The following KCNMA1 variants were observed in gnomAD, a reference collection of about 807,000 sequenced individuals.
KCNMA1 encodes the protein Calcium-activated potassium channel subunit alpha-1.
A neutral mutation model predicts 140.0 loss-of-function variants in KCNMA1; 29 were observed. The ratio of observed to expected loss-of-function variants is 0.21; its 90% CI spans 0.15 to 0.28. The LOEUF (loss-of-function observed/expected upper bound fraction) is 0.28. Among genes scored for constraint, KCNMA1 ranks in the 10% least tolerant of loss-of-function variants. The pLI is 1.00. For synonymous variants in KCNMA1, 612 were observed against 611.9 expected (o/e 1.00, Z 0.00); for missense variants, 880 against 1,602.2 (o/e 0.55, Z 7.70).
At chr10:77,436,087 A>C (rs1603619026) in intron 1 of KCNMA1, among the ~76,000 whole-genome samples, 2 of 152,236 alleles carry the variant, frequency 1.3e-5, no homozygotes, top group South Asian at 2.1e-4. Context: ...GAACGTCAGA[A>C]AAGGCTGAAT....
intron 2 of KCNMA1, among the ~76,000 whole-genome samples, chr10:77,396,316 G>C (rs1448061978): frequency 6.6e-6 from 1 of 152,102 alleles, no homozygotes; most frequent in African/African-American, 2.4e-5. Context: ...GATGAGGGGG[G>C]TGAGAGACAG....
intron 2 of KCNMA1, among the ~76,000 whole-genome samples, chr10:77,317,412 A>T (rs1271082794): frequency 6.6e-6 from 1 of 152,218 alleles, no homozygotes; most frequent in Non-Finnish European, 1.5e-5. Context: ...CTGGAAGATA[A>T]GGGAATTCAT....
intron 2 of KCNMA1, among the ~76,000 whole-genome samples, chr10:77,277,954 G>A (rs2067149118): frequency 6.6e-6 from 1 of 152,170 alleles, no homozygotes; most frequent in African/African-American, 2.4e-5. Flanking sequence ...AACAACTAAA[G>A]GCTTGTATCT....
At chr10:77,003,870 T>C (rs3781163) in intron 18 of KCNMA1, among the ~76,000 whole-genome samples, 4,210 of 152,250 alleles carry the variant, frequency 0.028, 196 homozygotes, top group East Asian at 0.2. Flanking sequence ...CAGATCAGAA[T>C]GGGTGATGTA....
chr10:77,204,337 A>G (rs1346639035), intron 3 of KCNMA1, among the ~76,000 whole-genome samples: 1 of 152,144 alleles, frequency 6.6e-6, no homozygotes, highest in Non-Finnish European at 1.5e-5. Context: ...CTCACTAGCC[A>G]TGAGAGGTCC....
intron 1 of KCNMA1, among the ~76,000 whole-genome samples, chr10:77,413,117 C>G (rs1332147392): frequency 6.6e-6 from 1 of 152,114 alleles, no homozygotes; most frequent in Non-Finnish European, 1.5e-5. Context: ...CTCAGCCTCC[C>G]AAAGTGCTAG....
chr10:77,234,695 A>G (rs997474452), intron 3 of KCNMA1, among the ~76,000 whole-genome samples: 1 of 152,212 alleles, frequency 6.6e-6, no homozygotes, highest in Non-Finnish European at 1.5e-5. Flanking sequence ...CTCATTCACT[A>G]TTCTCCATAC....
chr10:77,018,581 G>A (rs2092460404), intron 17 of KCNMA1, among the ~76,000 whole-genome samples: 1 of 152,176 alleles, frequency 6.6e-6, no homozygotes, highest in Admixed American at 6.5e-5. Flanking sequence ...TATTCCATCT[G>A]AAATTAATCC....
intron 2 of KCNMA1, among the ~76,000 whole-genome samples, chr10:77,391,543 T>C (rs951824935): frequency 1.3e-3 from 191 of 152,318 alleles, no homozygotes; most frequent in African/African-American, 4.3e-3. Context: ...CAGGAGAGAA[T>C]AGTTTTTACA....
chr10:77,239,466 A>G (rs917187586), intron 3 of KCNMA1, among the ~76,000 whole-genome samples: 2 of 152,186 alleles, frequency 1.3e-5, no homozygotes, highest in African/African-American at 4.8e-5. Context: ...GCAACATGAG[A>G]TAGGTATCCT....
chr10:77,310,363 G>T (rs1423970103), intron 2 of KCNMA1, among the ~76,000 whole-genome samples: 2 of 152,018 alleles, frequency 1.3e-5, no homozygotes, highest in Non-Finnish European at 2.9e-5. Flanking sequence ...CGATCCAAAA[G>T]GTGCCCATAC....
At chr10:77,326,208 T>A (rs555874299) in intron 2 of KCNMA1, among the ~76,000 whole-genome samples, 1 of 152,332 alleles carries the variant, frequency 6.6e-6, no homozygotes, top group African/African-American at 2.4e-5. Flanking sequence ...GACAGGACTG[T>A]CTTCCTCATC....
chr10:77,139,754 T>C (rs887023908), intron 5 of KCNMA1, among the ~76,000 whole-genome samples: 2 of 152,198 alleles, frequency 1.3e-5, no homozygotes, highest in African/African-American at 4.8e-5. Flanking sequence ...CAGAAAGCAG[T>C]TGAGAAAAGA....
chr10:76,992,453 T>C (rs1407534046), intron 19 of KCNMA1, among the ~76,000 whole-genome samples: 1 of 152,212 alleles, frequency 6.6e-6, no homozygotes, highest in Non-Finnish European at 1.5e-5. Flanking sequence ...AAAGGTCAGC[T>C]GGGGAAGCAG....
At chr10:77,480,110 C>T (rs2098359720) in intron 1 of KCNMA1, among the ~76,000 whole-genome samples, 1 of 152,242 alleles carries the variant, frequency 6.6e-6, no homozygotes, top group African/African-American at 2.4e-5. Context: ...CTCTTGACCC[C>T]ACCAAATACG....
intron 3 of KCNMA1, among the ~76,000 whole-genome samples, chr10:77,229,320 G>T (rs1485506702): frequency 1.6e-5 from 2 of 124,358 alleles, no homozygotes; most frequent in Non-Finnish European, 3.2e-5. Flanking sequence ...GCATGATTTT[G>T]CAGAGAAGCC....
At chr10:77,572,322 A>G (rs1442771399) in intron 1 of KCNMA1, among the ~76,000 whole-genome samples, 1 of 151,852 alleles carries the variant, frequency 6.6e-6, no homozygotes, top group African/African-American at 2.4e-5. Context: ...AAGGCTTCAT[A>G]GCCATCACTC....
intron 1 of KCNMA1, among the ~76,000 whole-genome samples, chr10:77,572,822 T>G (rs1240445327): frequency 6.6e-6 from 1 of 150,560 alleles, no homozygotes. Context: ...GATTCCTCAC[T>G]CAAAATCTTC....
At chr10:77,158,129 CA>C (rs1043464727) in intron 5 of KCNMA1, among the ~76,000 whole-genome samples, 4 of 152,060 alleles carry the variant, frequency 2.6e-5, no homozygotes, top group African/African-American at 9.7e-5. Context: ...TGAAACTGAA[CA>C]AAAGAAAACA....
Sources: allele counts gnomAD v4.1 joint callset (sites outside exome capture counted in the v4.1 genomes callset), GRCh38; gene constraint gnomAD v4.1.1; transcripts MANE v1.5; gene names NCBI Gene and HGNC (gene_info 2026-07-23, HGNC 2026-07-21).